ABCC4: variants seen among roughly 807,000 people sequenced by gnomAD.
ABCC4 encodes the protein ATP binding cassette subfamily C member 4 (PEL blood group).
In ABCC4, 102 loss-of-function variants were observed where a neutral mutation model predicts 168.5. That is an observed-to-expected ratio of 0.61 (90% CI 0.52 to 0.71). The LOEUF (loss-of-function observed/expected upper bound fraction) is 0.71. Among genes scored for constraint, ABCC4 ranks in the 30% least tolerant of loss-of-function variants. ABCC4 has a pLI of 0.00. For synonymous variants in ABCC4, 617 were observed against 590.7 expected (o/e 1.04, Z -0.65); for missense variants, 1,402 against 1,605.8 (o/e 0.87, Z 2.17).
chr13:95,205,587 A>G (rs1027234073), intron 8 of ABCC4, among the ~76,000 whole-genome samples: 2 of 152,276 alleles, frequency 1.3e-5, no homozygotes, highest in Non-Finnish European at 2.9e-5. Context: ...TTGGTGATAT[A>G]AATTATTTGC....
At chr13:95,030,988 C>T (rs1318953332) in intron 30 of ABCC4, among the ~76,000 whole-genome samples, 1 of 152,230 alleles carries the variant, frequency 6.6e-6, no homozygotes, top group Non-Finnish European at 1.5e-5. Context: ...GTCAAGAATA[C>T]GTGACTTGGA....
Position 95,131,646 on chromosome 13 carries a change from GAA to G in ABCC4, c.2456-15647_2456-15646del, listed in dbSNP as rs924919020. Reference sequence around the variant, plus strand: ...TGTCTCAAAAAAAAAGAAGAGAAAAGAAAAAGAGTTGCCCAAAGATGTCAGGC... The same window carrying G: ...TGTCTCAAAAAAAAAGAAGAGAAAAGAAAGAGTTGCCCAAAGATGTCAGGC... On this transcript the variant is annotated intron_variant, in intron 19 of 30. Coordinates refer to ENST00000645237, the MANE Select transcript of ABCC4 (RefSeq NM_005845.5). Among the ~76,000 whole-genome samples, 124 of 152,038 alleles carry G rather than the reference GAA, an allele frequency of 8.2e-4. 1 individual carries two copies. Among genetic ancestry groups the G allele is most frequent in the Middle Eastern group, 3.4e-3 (1 of 294 alleles).
chr13:95,070,876 A>T (rs1351371654), intron 25 of ABCC4, among the ~76,000 whole-genome samples: 1 of 152,126 alleles, frequency 6.6e-6, no homozygotes, highest in African/African-American at 2.4e-5. Flanking sequence ...AGGTTAAAGG[A>T]AGGCAAGAAA....
At chr13:95,127,965 T>C (rs1242818135) in intron 19 of ABCC4, among the ~76,000 whole-genome samples, 1 of 152,224 alleles carries the variant, frequency 6.6e-6, no homozygotes. Flanking sequence ...ATTTATGCTA[T>C]GAGTTGCCAA....
intron 4 of ABCC4, among the ~76,000 whole-genome samples, chr13:95,215,818 G>C (rs2039093951): frequency 6.6e-6 from 1 of 152,168 alleles, no homozygotes; most frequent in Admixed American, 6.5e-5. Context: ...TATAGCTAAA[G>C]CAAGTCTTAG....
chr13:95,176,185 C>A (rs1251281259), intron 13 of ABCC4, among the ~76,000 whole-genome samples: 1 of 131,548 alleles, frequency 7.6e-6, no homozygotes, highest in Non-Finnish European at 1.5e-5. Context: ...GGTGTAGGGG[C>A]TCACACCTGT....
chr13:95,083,440 T>A, intron 20 of ABCC4, 150 bp from the exon 21 acceptor site: 1 of 884,258 alleles, frequency 1.1e-6, no homozygotes, highest in Non-Finnish European at 1.7e-6. Context: ...ATAACAAAAG[T>A]ATAGGTGGTC....
At chr13:95,071,914 G>A (rs780298395) in intron 24 of ABCC4, 61 bp from the exon 25 acceptor site, 105 of 1,216,268 alleles carry the variant, frequency 8.6e-5, no homozygotes, top group Non-Finnish European at 1.1e-4. Context: ...TGGATGTTAA[G>A]AGACTGTCAA....
At chr13:95,080,635 A>G (rs986034210) in intron 21 of ABCC4, among the ~76,000 whole-genome samples, 3 of 152,132 alleles carry the variant, frequency 2.0e-5, no homozygotes, top group African/African-American at 7.2e-5. Flanking sequence ...CATCACGCCC[A>G]GCTAATTTTG....
intron 4 of ABCC4, among the ~76,000 whole-genome samples, chr13:95,214,841 G>A (rs527945561): frequency 4.3e-4 from 61 of 142,436 alleles, no homozygotes; most frequent in Non-Finnish European, 6.0e-4. Flanking sequence ...AGCCGAGATC[G>A]CGCCACTCCA....
chr13:95,236,866 T>A (rs908551113), intron 3 of ABCC4, among the ~76,000 whole-genome samples: 1 of 152,126 alleles, frequency 6.6e-6, no homozygotes, highest in Non-Finnish European at 1.5e-5. Flanking sequence ...TTTACTGAGA[T>A]GAAAATCTGG....
intron 21 of ABCC4, among the ~76,000 whole-genome samples, chr13:95,082,491 T>C (rs545804673): frequency 1.2e-4 from 19 of 152,282 alleles, no homozygotes; most frequent in African/African-American, 4.1e-4. Context: ...AGTGTCCATA[T>C]ATATATAAAC....
intron 1 of ABCC4, among the ~76,000 whole-genome samples, chr13:95,285,537 G>A (rs527716895): frequency 2.0e-5 from 3 of 152,288 alleles, no homozygotes; most frequent in African/African-American, 4.8e-5. Flanking sequence ...GCAACAGAGC[G>A]GGACTCCATC....
intron 11 of ABCC4, among the ~76,000 whole-genome samples, chr13:95,180,713 T>C (rs1439074663): frequency 6.6e-6 from 1 of 152,226 alleles, no homozygotes; most frequent in East Asian, 1.9e-4. Context: ...TTATATAATG[T>C]GTTAAGTTTC....
chr13:95,191,436 T>G (rs1388162312), intron 9 of ABCC4, among the ~76,000 whole-genome samples: 1 of 152,214 alleles, frequency 6.6e-6, no homozygotes. Flanking sequence ...CCACCCAGAA[T>G]AGGTTTCTTT....
chr13:95,275,383 C>A (rs1410233377), intron 1 of ABCC4, among the ~76,000 whole-genome samples: 1 of 152,190 alleles, frequency 6.6e-6, no homozygotes, highest in African/African-American at 2.4e-5. Context: ...TTTAAGTTCA[C>A]ATTTCTGGTA....
intron 30 of ABCC4, among the ~76,000 whole-genome samples, chr13:95,023,727 G>A (rs59600142): frequency 0.33 from 49,875 of 151,932 alleles, 8,386 homozygotes; most frequent in East Asian, 0.49. Context: ...TGGAGGTATC[G>A]CCCAGCTCGA....
At chr13:95,205,231 G>C (rs2038747455) in intron 8 of ABCC4, among the ~76,000 whole-genome samples, 1 of 152,088 alleles carries the variant, frequency 6.6e-6, no homozygotes, top group Non-Finnish European at 1.5e-5. Context: ...CCTATGAATA[G>C]CCACTATGCT....
At position 95,115,502 on chromosome 13, in the gene ABCC4, CAA is replaced by C. The variant is rs4148521; in HGVS notation, c.2535+418_2535+419del. 2.2e-3 allele frequency among the ~76,000 whole-genome samples: 313 copies of C among 141,084 alleles called. 3 individuals are homozygous for C. Among genetic ancestry groups the C allele is most frequent in the Middle Eastern group, 0.011 (3 of 264 alleles). The allele number at this position is 141,084 out of a possible 152,430, so 92.6% of individuals were successfully genotyped here. On this transcript the variant is annotated intron_variant, in intron 20 of 30. Transcript: ENST00000645237. Reference sequence around the variant, plus strand: ...GTAAGTAACCACACCTGGTTCTATCCAAAAAAAAAAAAAAAGTGCCTAAGTAT... The same window carrying C: ...GTAAGTAACCACACCTGGTTCTATCCAAAAAAAAAAAAAGTGCCTAAGTAT...
Sources: allele counts gnomAD v4.1 joint callset (sites outside exome capture counted in the v4.1 genomes callset), GRCh38; gene constraint gnomAD v4.1.1; transcripts MANE v1.5; gene names NCBI Gene and HGNC (gene_info 2026-07-23, HGNC 2026-07-21).